BAZ2B: variants seen among roughly 807,000 people sequenced by gnomAD.
The protein encoded by BAZ2B is bromodomain adjacent to zinc finger domain protein 2B.
A neutral mutation model predicts 246.0 loss-of-function variants in BAZ2B; 91 were observed. That is an observed-to-expected ratio of 0.37 (90% CI 0.31 to 0.44). The LOEUF (loss-of-function observed/expected upper bound fraction) is 0.44, where lower values mean the gene tolerates loss of function less well. BAZ2B is among the 20% of genes least tolerant of loss of function. The pLI, the probability that BAZ2B is intolerant of heterozygous loss-of-function variation, is 1.00. For missense variants in BAZ2B, 2,332 were observed against 2,533.7 expected (o/e 0.92, Z 1.71); for synonymous variants, 855 against 860.0 (o/e 0.99, Z 0.10).
chr2:159,445,637 T>C (rs2112118), intron 6 of BAZ2B, among the ~76,000 whole-genome samples: 73,915 of 151,986 alleles, frequency 0.49, 18,776 homozygotes, highest in Middle Eastern at 0.6. Flanking sequence ...CACCTACTTT[T>C]CAAAACTTGC....
intron 27 of BAZ2B, among the ~76,000 whole-genome samples, chr2:159,355,418 T>C (rs1349437604): frequency 6.6e-6 from 1 of 152,196 alleles, no homozygotes; most frequent in East Asian, 1.9e-4. Flanking sequence ...TATGTCTATT[T>C]AGGATTGTTC....
chr2:159,699,380 T>A, the BAZ2B span, among the ~76,000 whole-genome samples: 3 of 151,986 alleles, frequency 2.0e-5, no homozygotes, highest in South Asian at 2.1e-4. Flanking sequence ...CCACCTTTTT[T>A]AAAAAAATGA....
the BAZ2B span, among the ~76,000 whole-genome samples, chr2:159,648,639 C>T: frequency 6.6e-6 from 1 of 152,136 alleles, no homozygotes; most frequent in African/African-American, 2.4e-5. Flanking sequence ...TCATTGTTTG[C>T]ATGTTTAAAT....
intron 17 of BAZ2B, among the ~76,000 whole-genome samples, chr2:159,400,026 G>A (rs2064728095): frequency 6.6e-6 from 1 of 152,164 alleles, no homozygotes; most frequent in Non-Finnish European, 1.5e-5. Context: ...ATTACAGGCT[G>A]TTGCTAGGCT....
chr2:159,572,500 T>G (rs1051683017), intron 1 of BAZ2B, among the ~76,000 whole-genome samples: 7 of 152,206 alleles, frequency 4.6e-5, no homozygotes, highest in Non-Finnish European at 8.8e-5. Context: ...TTGGAGAATT[T>G]GTTTTTGGAA....
chr2:159,699,094 G>A, the BAZ2B span, among the ~76,000 whole-genome samples: 3 of 152,196 alleles, frequency 2.0e-5, no homozygotes, highest in Non-Finnish European at 4.4e-5. Context: ...AACGGAGCAA[G>A]GAATATAGGG....
At chr2:159,385,488 T>G in intron 22 of BAZ2B, 119 bp from the exon 23 acceptor site, 1 of 672,886 alleles carries the variant, frequency 1.5e-6, no homozygotes, top group Non-Finnish European at 2.1e-6. Context: ...CTTTATTCAC[T>G]TTTTTTTTAA....
intron 27 of BAZ2B, among the ~76,000 whole-genome samples, chr2:159,366,391 A>T (rs888630): frequency 0.77 from 117,590 of 152,178 alleles, 46,459 homozygotes; most frequent in Middle Eastern, 0.89. Context: ...AGGCATGCTT[A>T]CCCTGCCTCC....
the BAZ2B span, among the ~76,000 whole-genome samples, chr2:159,657,642 G>A: frequency 6.6e-6 from 1 of 152,136 alleles, no homozygotes; most frequent in African/African-American, 2.4e-5. Context: ...TTTTGTCAGA[G>A]TTTTATAGTT....
At chr2:159,501,229 T>TA (rs1559630269) in intron 2 of BAZ2B, among the ~76,000 whole-genome samples, 2 of 115,130 alleles carry the variant, frequency 1.7e-5, no homozygotes, top group East Asian at 2.2e-4. Flanking sequence ...TATATATTTA[T>TA]ATATATATAT....
intron 1 of BAZ2B, among the ~76,000 whole-genome samples, chr2:159,557,716 C>G (rs1430137694): frequency 1.3e-5 from 2 of 152,082 alleles, no homozygotes; most frequent in Non-Finnish European, 2.9e-5. Flanking sequence ...ACCTGGAACC[C>G]AATAGCTAAT....
At chr2:159,462,599 G>GA (rs2076544856) in intron 3 of BAZ2B, 1 of 881,878 alleles carries the variant, frequency 1.1e-6, no homozygotes, top group Non-Finnish European at 2.0e-6. Context: ...TGCGTCATTC[G>GA]AAACAGTTAG....
At chr2:159,478,254 G>A (rs575523822) in intron 3 of BAZ2B, among the ~76,000 whole-genome samples, 41 of 152,300 alleles carry the variant, frequency 2.7e-4, no homozygotes, top group African/African-American at 9.4e-4. Flanking sequence ...CTAGGGCAAA[G>A]TGTCTACCAA....
At chr2:159,456,542 T>A (rs548645375) in intron 3 of BAZ2B, among the ~76,000 whole-genome samples, 1 of 152,098 alleles carries the variant, frequency 6.6e-6, no homozygotes, top group South Asian at 2.1e-4. Context: ...AGCAACTGAG[T>A]AGAAAATTTC....
intron 2 of BAZ2B, among the ~76,000 whole-genome samples, chr2:159,545,558 A>T (rs1041472029): frequency 7.3e-6 from 1 of 137,340 alleles, no homozygotes; most frequent in Non-Finnish European, 1.6e-5. Context: ...ACACACTAAA[A>T]GGCAAAAAAT....
chr2:159,528,740 T>A (rs1265976778), intron 2 of BAZ2B, among the ~76,000 whole-genome samples: 1 of 148,724 alleles, frequency 6.7e-6, no homozygotes, highest in African/African-American at 2.5e-5. Flanking sequence ...TTGTAGAAAA[T>A]CCTTTTATTA....
chr2:159,474,410 T>G (rs1314643164), intron 3 of BAZ2B, among the ~76,000 whole-genome samples: 4 of 152,200 alleles, frequency 2.6e-5, no homozygotes, highest in Admixed American at 1.3e-4. Context: ...ATTTTCTTGG[T>G]AAATATTCCT....
intron 13 of BAZ2B, among the ~76,000 whole-genome samples, chr2:159,422,905 G>GA (rs944797212): frequency 3.3e-5 from 5 of 152,110 alleles, no homozygotes; most frequent in African/African-American, 1.2e-4. Flanking sequence ...AAACACTCCT[G>GA]AAAAAAAGAT....
intron 1 of BAZ2B, among the ~76,000 whole-genome samples, chr2:159,572,927 G>A (rs970979853): frequency 1.3e-5 from 2 of 152,128 alleles, no homozygotes; most frequent in African/African-American, 2.4e-5. Context: ...TGTTTAATTG[G>A]AATTTTCTTT....
Sources: allele counts gnomAD v4.1 joint callset (sites outside exome capture counted in the v4.1 genomes callset), GRCh38; gene constraint gnomAD v4.1.1; transcripts MANE v1.5; gene names NCBI Gene and HGNC (gene_info 2026-07-23, HGNC 2026-07-21).